The following DSTYK variants were observed in gnomAD, a reference collection of about 807,000 sequenced individuals.
DSTYK encodes RIP-homologous kinase.
In DSTYK, 34 loss-of-function variants were observed where a neutral mutation model predicts 98.7. That is an observed-to-expected ratio of 0.34 (90% confidence interval 0.26 to 0.46). The LOEUF (loss-of-function observed/expected upper bound fraction) is 0.46, where lower values mean the gene tolerates loss of function less well. Ranked by LOEUF, DSTYK falls within the 20% of genes least tolerant of loss-of-function variation. The pLI is 1.00. For synonymous variants in DSTYK, 462 were observed against 457.3 expected, an observed-to-expected ratio of 1.01 and a Z score of -0.13; for missense variants, 962 against 1,181.7, an observed-to-expected ratio of 0.81 and a Z score of 2.73.
intron 1 of DSTYK, among the ~76,000 whole-genome samples, chr1:205,190,453 T>C (rs2102455926): frequency 6.6e-6 from 1 of 151,932 alleles, no homozygotes; most frequent in Non-Finnish European, 1.5e-5. Context: ...GGCGAAACCC[T>C]GATTCTATTA....
Position 205,189,524 on chromosome 1 carries a change from G to A in DSTYK, c.266-1718C>T, listed in dbSNP as rs1658651323. ...ATTTGCTTTAGTCACTTAACCATAA[G>A]CTGCATTAAATTATTTGTAGGCCAT... On this transcript the variant is annotated intron_variant, in intron 1 of 12. Transcript: ENST00000367162. 2.0e-5 allele frequency among the ~76,000 whole-genome samples: 3 copies of A among 152,134 alleles called. No individual in the cohort carries two copies. The South Asian group carries it at 6.2e-4, about 32-fold the overall frequency.
At position 205,186,064 on chromosome 1, in the gene DSTYK, T is replaced by C. The variant is rs1054688386; in HGVS notation, c.654+1354A>G. On this transcript the variant is annotated intron_variant, in intron 2 of 12. Transcript: ENST00000367162. Reference sequence around the variant, plus strand: ...AAAGAAAAAAAATATATATATAAGTTTGAAAACCATTGAGCTATTGGAAGC... The same window carrying C: ...AAAGAAAAAAAATATATATATAAGTCTGAAAACCATTGAGCTATTGGAAGC... Among the ~76,000 whole-genome samples, 17 of 152,030 alleles carry C rather than the reference T, an allele frequency of 1.1e-4. No individual in the cohort carries two copies. In the South Asian group the frequency reaches 1.5e-3, roughly 13 times the overall value.
At position 205,211,519 on chromosome 1, in the gene DSTYK, AC is replaced by A; in HGVS notation, c.16del (p.Val6CysfsTer18). On this transcript the variant is annotated frameshift_variant, in exon 1 of 13. Transcript: ENST00000367162. LOFTEE classifies it high-confidence loss of function. ...CGAGACGGGCTCGCTGCCCCATGGC[AC>A]CCCGTCGCCCTCCATCGCCTCTGCC... is the stretch of plus-strand genomic sequence containing the variant. Reference protein sequence around the residue: MEGDGVPWGSEPVSGP... With the variant: MEGDGXPWGSEPVSGP... 1 of 1,551,884 alleles carries A rather than the reference AC, an allele frequency of 6.4e-7. No homozygotes were observed. Among genetic ancestry groups the A allele is most frequent in the Non-Finnish European group, 8.7e-7 (1 of 1,155,652 alleles).
chr1:205,180,487 TA>T (rs1658364860), intron 2 of DSTYK, among the ~76,000 whole-genome samples: 2 of 152,182 alleles, frequency 1.3e-5, no homozygotes, highest in African/African-American at 4.8e-5. Flanking sequence ...TTTATTTAGT[TA>T]TTTTTTGAGA....
At chr1:205,190,797 T>C (rs1170572203) in intron 1 of DSTYK, among the ~76,000 whole-genome samples, 1 of 152,184 alleles carries the variant, frequency 6.6e-6, no homozygotes, top group Non-Finnish European at 1.5e-5. Flanking sequence ...TGTCTACGCA[T>C]GAATGCATAC....
In DSTYK at chr1:205,162,975, G is replaced by A. The variant is rs968214720; in HGVS notation, c.1589C>T (p.Thr530Met). 1.2e-6 allele frequency: 2 copies of A among 1,614,098 alleles called. No individual in the cohort carries two copies. The highest frequency in any genetic ancestry group is 1.1e-5 in the South Asian group (1 of 91,076). The stretch of plus-strand genomic sequence containing the variant: ...TGTAACTGACGACCCTGAGTGAAAC[G>A]TGACTTCAACATGATAGGCAGCATT... ...ILNAAYHVEV[T>M]FHSGSSVTRM... The change falls in exon 5 of 13, where the codon ACG becomes ATG. Residue 530 changes from threonine to methionine, a missense_variant. Thr to Met is a moderately conservative substitution (Grantham distance 81). Transcript: ENST00000367162.
At chr1:205,171,029 G>GAAA (rs1658045411) in intron 2 of DSTYK, among the ~76,000 whole-genome samples, 1 of 90,726 alleles carries the variant, frequency 1.1e-5, no homozygotes. Flanking sequence ...TTTCATGTAA[G>GAAA]GAAAAAAAAA....
Position 205,150,465 on chromosome 1 carries a change from T to TCC in DSTYK, c.2467+213_2467+214dup, listed in dbSNP as rs898848143. Among the ~76,000 whole-genome samples the TCC allele has an allele frequency of 1.1e-4, 17 of 152,344 alleles. No homozygotes were observed. Among genetic ancestry groups the TCC allele is most frequent in the Admixed American group, 1.1e-3 (17 of 15,306 alleles). ...ATGGCACTAATAACCGAGAGAGATG[T>TCC]CCAAATGGTGATTCCCATTTGTACT... On this transcript the variant is annotated intron_variant, in intron 11 of 12. Transcript: ENST00000367162. This position sits in a 1 kb window ranked among gnomAD's most constrained non-coding sequence, Gnocchi z 4.1.
At position 205,147,530 on chromosome 1, in the gene DSTYK, A is replaced by G; in HGVS notation, c.*28T>C. On this transcript the variant is annotated 3_prime_UTR_variant, in exon 13 of 13. Transcript: ENST00000367162. ...AAAGGTGAGGGGGAAGGAAATAACT[A>G]GAGAGTGAAAGAGAAAGGTCTTTGC... 6.3e-7 allele frequency: 1 copy of G among 1,592,146 alleles called. No individual in the cohort carries two copies. Among genetic ancestry groups the G allele is most frequent in the African/African-American group, 1.3e-5 (1 of 74,510 alleles).
At chr1:205,209,230 A>G (rs1385950796) in intron 1 of DSTYK, among the ~76,000 whole-genome samples, 1 of 152,272 alleles carries the variant, frequency 6.6e-6, no homozygotes, top group Non-Finnish European at 1.5e-5. Context: ...CAAGTCTAAA[A>G]TAAATAGTTG....
intron 1 of DSTYK, among the ~76,000 whole-genome samples, chr1:205,206,858 G>A (rs1659218261): frequency 2.0e-5 from 3 of 152,016 alleles, no homozygotes; most frequent in African/African-American, 4.8e-5. Context: ...ATGAGCCACC[G>A]CTCCCGGCCC....
Position 205,187,722 on chromosome 1 carries a change from AG to A in DSTYK, c.349del (p.Leu117SerfsTer12). ...GCACTTGACGTTACAATCCTGGCCG[AG>A]GATCAGTATGCAAGGGAGGCAGTCC... ...IVDCLPCILI[L>X]GQDCNVKCQL... On this transcript the variant is annotated frameshift_variant, in exon 2 of 13. Transcript: ENST00000367162. LOFTEE classifies it high-confidence loss of function. 6.2e-7 allele frequency: 1 copy of A among 1,614,182 alleles called. No individual in the cohort carries two copies. The highest frequency in any genetic ancestry group is 2.2e-5 in the East Asian group (1 of 44,890).
At chr1:205,204,106 T>A (rs1659131770) in intron 1 of DSTYK, among the ~76,000 whole-genome samples, 1 of 152,104 alleles carries the variant, frequency 6.6e-6, no homozygotes, top group Admixed American at 6.5e-5. Context: ...GCCCTAAATG[T>A]CAGGGAGTGG....
At chr1:205,161,056 G>T (rs1344366233) in intron 7 of DSTYK, among the ~76,000 whole-genome samples, 1 of 152,146 alleles carries the variant, frequency 6.6e-6, no homozygotes, top group Non-Finnish European at 1.5e-5. Flanking sequence ...TTACAGGTGT[G>T]AGCCACCACA....
At chr1:205,167,881 G>A (rs1223627091) in intron 3 of DSTYK, among the ~76,000 whole-genome samples, 1 of 152,176 alleles carries the variant, frequency 6.6e-6, no homozygotes, top group African/African-American at 2.4e-5. Context: ...GGAGGCCGAG[G>A]CGGGTAGATT....
In DSTYK at chr1:205,173,707, T is replaced by C. The variant is rs552580602; in HGVS notation, c.655-3875A>G. Among the ~76,000 whole-genome samples, 3 of 152,130 alleles carry C rather than the reference T, an allele frequency of 2.0e-5. No homozygotes were observed. The South Asian group carries it at 6.2e-4, about 32-fold the overall frequency. On this transcript the variant is annotated intron_variant, in intron 2 of 12. Coordinates refer to ENST00000367162, the MANE Select transcript of DSTYK (RefSeq NM_015375.3). Reference sequence around the variant, plus strand: ...CAGCCAAAGCTGCCAAGTCCATTTGTAAGACCAATACGGTTGTTTTTTTTT... The same window carrying C: ...CAGCCAAAGCTGCCAAGTCCATTTGCAAGACCAATACGGTTGTTTTTTTTT...
intron 1 of DSTYK, among the ~76,000 whole-genome samples, chr1:205,210,313 G>A (rs552050556): frequency 6.6e-6 from 1 of 152,174 alleles, no homozygotes; most frequent in African/African-American, 2.4e-5. Flanking sequence ...ATACGCCCCT[G>A]GGGTGAGTTT....
rs548451864 is a variant in DSTYK at position 205,160,553 on chromosome 1, C to A, written c.1949-283G>T. Among the ~76,000 whole-genome samples the A allele has an allele frequency of 2.6e-5, 4 of 151,972 alleles. No individual in the cohort carries two copies. The South Asian group carries it at 8.3e-4, about 32-fold the overall frequency. ...GTTTTGCCACATTGCCCAGGGTGGTCCCGAACTCCTGGGCTCAAGTGATCC... is the reference window on the plus strand; with the variant it reads ...GTTTTGCCACATTGCCCAGGGTGGTACCGAACTCCTGGGCTCAAGTGATCC... On this transcript the variant is annotated intron_variant, in intron 7 of 12. Coordinates refer to ENST00000367162, the MANE Select transcript of DSTYK (RefSeq NM_015375.3).
chr1:205,187,873 G>A, intron 1 of DSTYK, 67 bp from the exon 2 acceptor site: 1 of 1,365,622 alleles, frequency 7.3e-7, no homozygotes. Flanking sequence ...GAAGGGGAGA[G>A]AGAGAGACTC....
Sources: gnomAD v4.1 joint callset for allele counts (sites outside exome capture counted in the v4.1 genomes callset) on GRCh38, gnomAD v4.1.1 for gene constraint, Gnocchi (gnomAD v3.1) non-coding constraint, MANE v1.5 for transcripts, NCBI Gene and HGNC (gene_info 2026-07-23, HGNC 2026-07-21) for gene names.